CLIC4: variants seen among roughly 807,000 people sequenced by gnomAD.
CLIC4 encodes the protein chloride intracellular channel protein 4.
In CLIC4, 13 loss-of-function variants were observed where a neutral mutation model predicts 24.6. The observed-to-expected ratio is 0.53, with a 90% confidence interval of 0.34 to 0.84. The LOEUF (loss-of-function observed/expected upper bound fraction) is 0.84, where lower values mean the gene tolerates loss of function less well. Among genes scored for constraint, CLIC4 ranks in the 40% least tolerant of loss-of-function variants. CLIC4 has a pLI of 0.01. For synonymous variants in CLIC4, 104 were observed against 111.3 expected (o/e 0.93, Z 0.41); for missense variants, 227 against 301.7 (o/e 0.75, Z 1.83).
chr1:24,746,822 C>T (rs1638705668), intron 1 of CLIC4, among the ~76,000 whole-genome samples: 1 of 152,102 alleles, frequency 6.6e-6, no homozygotes, highest in African/African-American at 2.4e-5. Context: ...TGGCGAAACC[C>T]TGTCTCTACA....
intron 2 of CLIC4, among the ~76,000 whole-genome samples, chr1:24,801,362 C>T (rs575175789): frequency 4.6e-5 from 7 of 151,946 alleles, no homozygotes; most frequent in African/African-American, 1.2e-4. Flanking sequence ...CTTTCATGGC[C>T]GGAGAAGGAA....
intron 1 of CLIC4, among the ~76,000 whole-genome samples, chr1:24,762,960 T>C (rs902239966): frequency 1.3e-5 from 2 of 152,090 alleles, no homozygotes; most frequent in African/African-American, 4.8e-5. Context: ...AAGAGAGACA[T>C]GGTTTAATGG....
In CLIC4 at chr1:24,811,471, T is replaced by G. The variant is rs186479591; in HGVS notation, c.183-2623T>G. 3.3e-5 allele frequency among the ~76,000 whole-genome samples: 5 copies of G among 149,470 alleles called. 1 individual carries two copies. Among genetic ancestry groups the G allele is most frequent in the Admixed American group, 2.0e-4 (3 of 15,024 alleles). On this transcript the variant is annotated intron_variant, in intron 2 of 5. Transcript: ENST00000374379. ...TGCCCCAGAGGCTGCTTTGTTTTGGTTTGTTGTTGTTGTTGTTTTGAGACA... is the reference window on the plus strand; with the variant it reads ...TGCCCCAGAGGCTGCTTTGTTTTGGGTTGTTGTTGTTGTTGTTTTGAGACA...
intron 3 of CLIC4, among the ~76,000 whole-genome samples, chr1:24,819,757 T>A (rs1639707478): frequency 7.3e-6 from 1 of 136,782 alleles, no homozygotes; most frequent in Non-Finnish European, 1.6e-5. Context: ...TTTTCTTTTT[T>A]TTTTGACAGA....
intron 3 of CLIC4, 100 bp downstream of exon 3, chr1:24,814,319 C>T: frequency 7.7e-7 from 1 of 1,291,556 alleles, no homozygotes; most frequent in Non-Finnish European, 1.1e-6. Context: ...TTTGGAATGA[C>T]TAGGACTCTC....
rs1412050972 is a variant in CLIC4, at chr1:24,841,173, A to G, written c.*236A>G. 1.1e-5 allele frequency: 3 copies of G among 278,320 alleles called. No homozygotes were observed. The Admixed American group carries it at 1.6e-4, about 15-fold the overall frequency. The allele number at this position is 278,320 out of a possible 1,614,324, so 17.2% of individuals were successfully genotyped here. Reference sequence around the variant, plus strand: ...CCCTACCCGGGTTCCCCTCTCTTTAATTTGGAGACACTCCACCACAAACTT... The same window carrying G: ...CCCTACCCGGGTTCCCCTCTCTTTAGTTTGGAGACACTCCACCACAAACTT... On this transcript the variant is annotated 3_prime_UTR_variant, in exon 6 of 6. Transcript: ENST00000374379.
chr1:24,785,873 AAAAG>A (rs1557802221), intron 1 of CLIC4, among the ~76,000 whole-genome samples: 2 of 150,636 alleles, frequency 1.3e-5, no homozygotes, highest in South Asian at 2.1e-4. Context: ...AAAAAAAAAA[AAAAG>A]AAAAGAAAAA....
rs1639944828 is a variant in CLIC4, at chr1:24,841,654, A to C, written c.*717A>C. On this transcript the variant is annotated 3_prime_UTR_variant, in exon 6 of 6. Coordinates refer to ENST00000374379, the MANE Select transcript of CLIC4 (RefSeq NM_013943.3). ...TGAGGGTTTTCTCAAGACCTTCCTC[A>C]AGCATTTTATCTTTAGAAGAGAAAC... The C allele has an allele frequency of 6.6e-6, 1 of 152,302 alleles. No individual in the cohort carries two copies. Among genetic ancestry groups the C allele is most frequent in the African/African-American group, 2.4e-5 (1 of 41,440 alleles). 9.4% of individuals were successfully genotyped at this position (152,302 alleles called of 1,614,324 possible).
intron 1 of CLIC4, among the ~76,000 whole-genome samples, chr1:24,769,461 T>A (rs1639046511): frequency 6.6e-6 from 1 of 152,300 alleles, no homozygotes; most frequent in Non-Finnish European, 1.5e-5. Flanking sequence ...AGATCATTGT[T>A]TGGGTATGGT....
intron 2 of CLIC4, among the ~76,000 whole-genome samples, chr1:24,812,254 C>T (rs1639621885): frequency 6.6e-6 from 1 of 152,020 alleles, no homozygotes; most frequent in African/African-American, 2.4e-5. Flanking sequence ...GCTTTTTACC[C>T]TTCATTATGC....
intron 1 of CLIC4, among the ~76,000 whole-genome samples, chr1:24,788,138 C>T (rs1639291270): frequency 6.6e-6 from 1 of 152,142 alleles, no homozygotes; most frequent in South Asian, 2.1e-4. Context: ...AGGCATGAGC[C>T]ACTGCGCCTG....
At chr1:24,756,701 C>T (rs968927294) in intron 1 of CLIC4, among the ~76,000 whole-genome samples, 4 of 152,006 alleles carry the variant, frequency 2.6e-5, no homozygotes, top group African/African-American at 9.7e-5. Flanking sequence ...ACCAAACAAT[C>T]AGATGAAAGC....
At chr1:24,816,417 T>A (rs1283274493) in intron 3 of CLIC4, among the ~76,000 whole-genome samples, 3 of 151,890 alleles carry the variant, frequency 2.0e-5, no homozygotes, top group Non-Finnish European at 2.9e-5. Context: ...TTTTTTTGTA[T>A]TTTTTAGTAG....
At chr1:24,809,586 G>A (rs1002212514) in intron 2 of CLIC4, among the ~76,000 whole-genome samples, 3 of 152,028 alleles carry the variant, frequency 2.0e-5, no homozygotes, top group Non-Finnish European at 4.4e-5. Flanking sequence ...TCAGCCTCCC[G>A]AGTAGCTGGG....
At chr1:24,815,233 C>T (rs560688160) in intron 3 of CLIC4, among the ~76,000 whole-genome samples, 1 of 152,278 alleles carries the variant, frequency 6.6e-6, no homozygotes, top group African/African-American at 2.4e-5. Flanking sequence ...TGTGGTGGCT[C>T]ATGCCTGTAA....
rs1639961798 is a variant in CLIC4, at chr1:24,843,339, G to A, written c.*2402G>A. ...TAGTTTAACATCTTGAGAAATTTGG[G>A]ACATAAAGTTTTCATGGTAGACAGT... is the stretch of plus-strand genomic sequence containing the variant. On this transcript the variant is annotated 3_prime_UTR_variant, in exon 6 of 6. Transcript: ENST00000374379. The A allele has an allele frequency of 6.6e-6, 1 of 152,152 alleles. No homozygotes were observed. Among genetic ancestry groups the A allele is most frequent in the Non-Finnish European group, 1.5e-5 (1 of 68,014 alleles). 9.4% of individuals were successfully genotyped at this position (152,152 alleles called of 1,614,324 possible). A position where few individuals can be genotyped will look rare whatever the true frequency, so the allele number is the denominator to read the frequency against.
intron 3 of CLIC4, among the ~76,000 whole-genome samples, chr1:24,820,096 T>TATATATATATATAGAC (rs1557812358): frequency 3.6e-5 from 4 of 109,890 alleles, no homozygotes; most frequent in Admixed American, 1.0e-4. Flanking sequence ...TATATATATA[T>TATATATATATATAGAC]AGACAGTATC....
chr1:24,780,033 C>T (rs1639184586), intron 1 of CLIC4, among the ~76,000 whole-genome samples: 1 of 152,100 alleles, frequency 6.6e-6, no homozygotes, highest in Admixed American at 6.5e-5. Context: ...CATTCCTTAC[C>T]CCCTTTCCCC....
At chr1:24,755,303 A>G (rs1211075220) in intron 1 of CLIC4, among the ~76,000 whole-genome samples, 10 of 140,596 alleles carry the variant, frequency 7.1e-5, no homozygotes, top group Middle Eastern at 4.1e-3. Flanking sequence ...GCTAGGCATG[A>G]TGGTGCACGC....
Sources: allele counts gnomAD v4.1 joint callset (sites outside exome capture counted in the v4.1 genomes callset), GRCh38; gene constraint gnomAD v4.1.1; transcripts MANE v1.5; gene names NCBI Gene and HGNC (gene_info 2026-07-23, HGNC 2026-07-21).